The following RNF150 variants were observed in gnomAD, a reference collection of about 807,000 sequenced individuals.
RNF150 encodes ring finger protein 150.
In RNF150, 24 loss-of-function variants were observed where a neutral mutation model predicts 39.3. The observed-to-expected ratio is 0.61, with a 90% CI of 0.44 to 0.86. The LOEUF is 0.86. RNF150 is among the 40% of genes least tolerant of loss of function. RNF150 has a pLI of 0.00. For missense variants in RNF150, 502 were observed against 587.8 expected (o/e 0.85, Z 1.51); for synonymous variants, 255 against 227.3 (o/e 1.12, Z -1.10).
intron 1 of RNF150, among the ~76,000 whole-genome samples, chr4:141,014,411 C>A (rs2110760405): frequency 1.3e-5 from 2 of 152,316 alleles, no homozygotes; most frequent in East Asian, 3.9e-4. Context: ...TTTTGAGGAA[C>A]CTCCACACCG....
intron 1 of RNF150, among the ~76,000 whole-genome samples, chr4:141,003,590 C>G (rs1382696058): frequency 6.6e-6 from 1 of 151,816 alleles, no homozygotes; most frequent in African/African-American, 2.4e-5. Context: ...CACACACACA[C>G]ACACACACAC....
chr4:141,206,183 G>C (rs1326353187), intron 1 of RNF150, among the ~76,000 whole-genome samples: 2 of 151,986 alleles, frequency 1.3e-5, no homozygotes, highest in Non-Finnish European at 2.9e-5. Context: ...ACTTTGGGAG[G>C]CCGAGGCAGG....
At chr4:140,940,752 C>T (rs1050540082) in intron 4 of RNF150, among the ~76,000 whole-genome samples, 8 of 152,144 alleles carry the variant, frequency 5.3e-5, no homozygotes, top group African/African-American at 1.9e-4. Context: ...CCAGAAAGTT[C>T]AGGAATAACC....
intron 1 of RNF150, among the ~76,000 whole-genome samples, chr4:141,172,214 G>A (rs1299845590): frequency 1.3e-5 from 2 of 152,170 alleles, no homozygotes; most frequent in Non-Finnish European, 2.9e-5. Flanking sequence ...GGGACCGTGA[G>A]CTAGCTGGGG....
chr4:140,919,258 A>C (rs2111299351), intron 5 of RNF150, among the ~76,000 whole-genome samples: 1 of 144,670 alleles, frequency 6.9e-6, no homozygotes, highest in African/African-American at 2.6e-5. Context: ...CCCTGTTTGC[A>C]GATGACATGA....
intron 2 of RNF150, among the ~76,000 whole-genome samples, chr4:140,957,567 T>A (rs1229184034): frequency 2.6e-5 from 4 of 152,188 alleles, no homozygotes; most frequent in African/African-American, 9.7e-5. Context: ...CCCAAAGGAC[T>A]ATAAATCATG....
At chr4:141,151,006 A>T (rs1560760437) in intron 1 of RNF150, among the ~76,000 whole-genome samples, 1 of 152,158 alleles carries the variant, frequency 6.6e-6, no homozygotes, top group Non-Finnish European at 1.5e-5. Flanking sequence ...ATCATAGCTC[A>T]CTGCAGCCTC....
intron 1 of RNF150, among the ~76,000 whole-genome samples, chr4:141,103,459 G>T (rs1739085106): frequency 6.6e-6 from 1 of 152,150 alleles, no homozygotes; most frequent in African/African-American, 2.4e-5. Flanking sequence ...CCTAACTGTT[G>T]GATAACATGG....
At chr4:141,212,146 A>G (rs1728478541) in intron 1 of RNF150, among the ~76,000 whole-genome samples, 2 of 152,190 alleles carry the variant, frequency 1.3e-5, no homozygotes, top group African/African-American at 4.8e-5. Context: ...TATAGGCTCA[A>G]GGAGCAGGCA....
intron 1 of RNF150, among the ~76,000 whole-genome samples, chr4:141,204,653 G>C (rs553240647): frequency 1.3e-5 from 2 of 152,100 alleles, no homozygotes; most frequent in Admixed American, 1.3e-4. Flanking sequence ...GCAGCATTTG[G>C]GACTCACAGT....
intron 1 of RNF150, among the ~76,000 whole-genome samples, chr4:141,191,532 T>C (rs1003727309): frequency 6.6e-6 from 1 of 152,218 alleles, no homozygotes; most frequent in Non-Finnish European, 1.5e-5. Flanking sequence ...TATTTCCACA[T>C]TGCTCTTGTC....
chr4:141,051,088 G>C (rs930600628), intron 1 of RNF150, among the ~76,000 whole-genome samples: 3 of 152,140 alleles, frequency 2.0e-5, no homozygotes, highest in African/African-American at 7.2e-5. Flanking sequence ...CACAGGGAAG[G>C]TGCCAGGCTT....
At chr4:141,053,105 G>A (rs146032578) in intron 1 of RNF150, among the ~76,000 whole-genome samples, 11 of 152,238 alleles carry the variant, frequency 7.2e-5, no homozygotes, top group African/African-American at 1.7e-4. Flanking sequence ...CTAGTCACAC[G>A]GTAAGTGCTG....
At chr4:141,108,720 TA>T (rs1560742949) in intron 1 of RNF150, among the ~76,000 whole-genome samples, 1 of 152,162 alleles carries the variant, frequency 6.6e-6, no homozygotes, top group East Asian at 1.9e-4. Flanking sequence ...ATTTTAAAGT[TA>T]AAAAAACTGA....
At chr4:141,027,919 T>TA (rs1735771856) in intron 1 of RNF150, among the ~76,000 whole-genome samples, 1 of 78,162 alleles carries the variant, frequency 1.3e-5, no homozygotes, top group Non-Finnish European at 2.3e-5. Flanking sequence ...TTTGTTTTTT[T>TA]TTTTTTGTTT....
chr4:141,185,749 A>T (rs1029616434), intron 1 of RNF150, among the ~76,000 whole-genome samples: 1 of 152,200 alleles, frequency 6.6e-6, no homozygotes, highest in African/African-American at 2.4e-5. Flanking sequence ...AGGGGTGTTG[A>T]ATTTTATCGA....
chr4:141,045,539 T>A (rs1208712609), intron 1 of RNF150, among the ~76,000 whole-genome samples: 2 of 151,964 alleles, frequency 1.3e-5, no homozygotes, highest in Admixed American at 1.3e-4. Context: ...ATTTTTATTT[T>A]TTATTTATTT....
chr4:141,155,385 A>T (rs866499308), intron 1 of RNF150, among the ~76,000 whole-genome samples: 14 of 151,832 alleles, frequency 9.2e-5, no homozygotes, highest in African/African-American at 3.4e-4. Flanking sequence ...GGCGTGAGCC[A>T]CTACGACCGG....
chr4:141,117,061 G>A (rs994141804), intron 1 of RNF150, among the ~76,000 whole-genome samples: 2 of 151,946 alleles, frequency 1.3e-5, no homozygotes, highest in African/African-American at 4.8e-5. Flanking sequence ...TGGGTTGCTG[G>A]GTGCAGCAAA....
Sources: gnomAD v4.1 joint callset for allele counts (sites outside exome capture counted in the v4.1 genomes callset) on GRCh38, gnomAD v4.1.1 for gene constraint, MANE v1.5 for transcripts, NCBI Gene and HGNC (gene_info 2026-07-23, HGNC 2026-07-21) for gene names.